Variants in JMJD1C observed in about 807,000 individuals in gnomAD.
JMJD1C encodes jumonji domain-containing protein 1C.
In JMJD1C, 31 loss-of-function variants were observed where a neutral mutation model predicts 245.3. The ratio of observed to expected loss-of-function variants is 0.13; its 90% CI spans 0.09 to 0.17. JMJD1C has a LOEUF of 0.17. Among genes scored for constraint, JMJD1C ranks in the 10% least tolerant of loss-of-function variants. JMJD1C has a pLI of 1.00. For missense variants in JMJD1C, 2,691 were observed against 3,000.2 expected, an observed-to-expected ratio of 0.90 and a Z score of 2.41; for synonymous variants, 1,057 against 1,017.4, an observed-to-expected ratio of 1.04 and a Z score of -0.74.
chr10:63,244,828 G>A (rs1267008383), intron 3 of JMJD1C, among the ~76,000 whole-genome samples: 3 of 137,442 alleles, frequency 2.2e-5, no homozygotes, highest in Admixed American at 7.5e-5. Flanking sequence ...GGGGGGGGGA[G>A]GGGGGAGAAC....
In JMJD1C at chr10:63,223,143, AACCC is replaced by A. The variant is rs1189210018; in HGVS notation, c.448-3164_448-3161del. On this transcript the variant is annotated intron_variant, in intron 3 of 25. Transcript: ENST00000399262. ...AAAGAAATTATCTGCAAAAAAAAAAAACCCAAACAAACAAAAACTTCCATACATA... is the reference window on the plus strand; with the variant it reads ...AAAGAAATTATCTGCAAAAAAAAAAAAAACAAACAAAAACTTCCATACATA... The A allele has an allele frequency of 1.1e-4, 69 of 607,806 alleles. No individual in the cohort carries two copies. In the South Asian group the frequency reaches 1.5e-3, roughly 13 times the overall value. The allele number at this position is 607,806 out of a possible 1,614,324, so 37.7% of individuals were successfully genotyped here.
chr10:63,444,670 G>T (rs1201654604), intron 1 of JMJD1C, among the ~76,000 whole-genome samples: 2 of 148,594 alleles, frequency 1.3e-5, no homozygotes, highest in Non-Finnish European at 3.0e-5. Flanking sequence ...TTGCTGCCCG[G>T]GCTGGAGTGC....
chr10:63,472,330 TTTATTTAA>T (rs1317175520), intron 1 of JMJD1C, among the ~76,000 whole-genome samples: 4 of 152,246 alleles, frequency 2.6e-5, no homozygotes, highest in Non-Finnish European at 5.9e-5. Context: ...CAATTTCTTT[TTTATTTAA>T]TTATTTATTT....
chr10:63,191,002 T>C lies in JMJD1C; in HGVS notation c.6183A>G (p.Glu2061=). The C allele has an allele frequency of 1.2e-6, 2 of 1,614,210 alleles. No individual in the cohort carries two copies. Among genetic ancestry groups the C allele is most frequent in the Non-Finnish European group, 1.7e-6 (2 of 1,179,998 alleles). Residue 2061 remains glutamate (E), a synonymous_variant, in exon 17 of 26, where the codon GAA becomes GAG. Transcript: ENST00000399262. ...RTSPLVSQNN[E]QGSTLRDLLT... ...GCAAATCCCGTAAGGTTGAGCCTTGTTCATTATTCTGGGACACAAGAGGTG... is the reference window on the plus strand; with the variant it reads ...GCAAATCCCGTAAGGTTGAGCCTTGCTCATTATTCTGGGACACAAGAGGTG...
At chr10:63,193,314 T>G in intron 15 of JMJD1C, 31 bp downstream of exon 15, 1 of 1,563,794 alleles carries the variant, frequency 6.4e-7, no homozygotes, top group Non-Finnish European at 8.7e-7. Context: ...AACCACAGAT[T>G]TTATTTGAAT....
At chr10:63,437,611 TATCTTC>T (rs1196100124) in intron 1 of JMJD1C, among the ~76,000 whole-genome samples, 3 of 152,204 alleles carry the variant, frequency 2.0e-5, no homozygotes, top group African/African-American at 7.2e-5. Flanking sequence ...TACAAAATCT[TATCTTC>T]CTCCTAAAGC....
intron 3 of JMJD1C, among the ~76,000 whole-genome samples, chr10:63,233,256 T>C (rs748317734): frequency 4.6e-5 from 7 of 152,192 alleles, no homozygotes; most frequent in Non-Finnish European, 8.8e-5. Flanking sequence ...TATGCTCAAC[T>C]GAGCACCACT....
intron 1 of JMJD1C, among the ~76,000 whole-genome samples, chr10:63,504,758 C>A (rs1356512350): frequency 6.6e-6 from 1 of 152,048 alleles, no homozygotes; most frequent in African/African-American, 2.4e-5. Context: ...AAATAGGGGG[C>A]CAGACACAGA....
intron 1 of JMJD1C, among the ~76,000 whole-genome samples, chr10:63,428,479 T>A (rs995578013): frequency 6.6e-6 from 1 of 152,376 alleles, no homozygotes. Flanking sequence ...ACTGAATGTT[T>A]CTGTAGTTCT....
intron 3 of JMJD1C, among the ~76,000 whole-genome samples, chr10:63,235,582 CT>C (rs1850638745): frequency 2.0e-5 from 3 of 152,134 alleles, no homozygotes. Flanking sequence ...GATTATTTAT[CT>C]ATTTAACAGT....
intron 2 of JMJD1C, among the ~76,000 whole-genome samples, chr10:63,271,437 C>CA (rs1285001106): frequency 1.3e-5 from 2 of 151,994 alleles, no homozygotes; most frequent in African/African-American, 4.8e-5. Context: ...CTCAGCCTCT[C>CA]AAAGTGCTGG....
At chr10:63,492,436 T>A (rs180751323) in intron 1 of JMJD1C, among the ~76,000 whole-genome samples, 2 of 152,212 alleles carry the variant, frequency 1.3e-5, no homozygotes, top group Admixed American at 1.3e-4. Context: ...GAGGCCAAGG[T>A]TGGTGGATCA....
chr10:63,352,252 C>T (rs1056518167), intron 2 of JMJD1C, among the ~76,000 whole-genome samples: 2 of 152,086 alleles, frequency 1.3e-5, no homozygotes, highest in Non-Finnish European at 2.9e-5. Context: ...AAGAACTACA[C>T]AGAGCTTCTA....
chr10:63,453,210 G>T (rs1207904134), intron 1 of JMJD1C, among the ~76,000 whole-genome samples: 1 of 152,184 alleles, frequency 6.6e-6, no homozygotes, highest in East Asian at 1.9e-4. Flanking sequence ...AGGAGGCGGA[G>T]GGTGCAGTGA....
chr10:63,176,385 C>T lies in JMJD1C; in HGVS notation c.7313G>A (p.Arg2438Lys). The change falls in exon 24 of 26, where the codon AGG (arginine) becomes AAG (lysine). Residue 2438 changes from arginine (R) to lysine (K), a missense_variant. Physicochemically the swap from Arg to Lys is conservative, Grantham distance 26. Around this residue, in one of 9 missense-constraint regions of JMJD1C, gnomAD observed 232 missense variants for 416.1 expected, o/e 0.56. Transcript: ENST00000399262. ...TCTGACTCCATATTCTTCAAGCAGC[C>T]TTTGACGGAGCTTTTTGTTCACATA... ...SWYVNKKLRQ[R>K]LLEEYGVRTC... The T allele has an allele frequency of 3.7e-6, 6 of 1,613,980 alleles. No homozygotes were observed. Among genetic ancestry groups the T allele is most frequent in the Non-Finnish European group, 4.2e-6 (5 of 1,179,930 alleles).
At chr10:63,442,696 C>T (rs1439487552) in intron 1 of JMJD1C, among the ~76,000 whole-genome samples, 1 of 152,192 alleles carries the variant, frequency 6.6e-6, no homozygotes, top group Non-Finnish European at 1.5e-5. Flanking sequence ...GTCTCTTCAT[C>T]AAACACAACT....
At chr10:63,464,253 A>G (rs978829260) in intron 1 of JMJD1C, among the ~76,000 whole-genome samples, 1 of 152,322 alleles carries the variant, frequency 6.6e-6, no homozygotes, top group South Asian at 2.1e-4. Flanking sequence ...AAACACACCT[A>G]TTTTGCGATA....
chr10:63,274,095 GAC>G (rs1856569318), intron 2 of JMJD1C, among the ~76,000 whole-genome samples: 1 of 152,042 alleles, frequency 6.6e-6, no homozygotes, highest in Non-Finnish European at 1.5e-5. Flanking sequence ...TATTTTTAAA[GAC>G]ATATGGGTGG....
intron 2 of JMJD1C, among the ~76,000 whole-genome samples, chr10:63,329,640 A>T (rs1941926361): frequency 6.6e-6 from 1 of 152,228 alleles, no homozygotes; most frequent in Non-Finnish European, 1.5e-5. Context: ...TCTGACTTAG[A>T]ATGGTTCAAC....
Sources: allele counts gnomAD v4.1 joint callset (sites outside exome capture counted in the v4.1 genomes callset), GRCh38; gene constraint gnomAD v4.1.1; regional missense constraint gnomAD v4.1.1; transcripts MANE v1.5; gene names NCBI Gene and HGNC (gene_info 2026-07-23, HGNC 2026-07-21).